SERPINB8: variants seen among roughly 807,000 people sequenced by gnomAD.
SERPINB8 encodes serpin B8.
SERPINB8 carries 25 observed loss-of-function variants against 35.3 expected under a neutral mutation model. The observed-to-expected ratio is 0.71, with a 90% CI of 0.52 to 0.99. SERPINB8 has a LOEUF of 0.99. Among genes scored for constraint, SERPINB8 ranks in the 50% least tolerant of loss-of-function variants. The probability of loss-of-function intolerance (pLI) is 0.00; values close to 1 mark genes in which losing one functional copy is unlikely to be tolerated. For missense variants in SERPINB8, 484 were observed against 446.5 expected (o/e 1.08, Z -0.76); for synonymous variants, 186 against 160.8 (o/e 1.16, Z -1.19).
At chr18:64,002,823 G>T (rs572766709) in intron 1 of SERPINB8, among the ~76,000 whole-genome samples, 2 of 152,254 alleles carry the variant, frequency 1.3e-5, no homozygotes, top group African/African-American at 4.8e-5. Context: ...GCCGACTCGT[G>T]CCCCACCGCC....
intron 5 of SERPINB8, among the ~76,000 whole-genome samples, chr18:63,984,198 A>G (rs967437133): frequency 6.6e-6 from 1 of 152,230 alleles, no homozygotes; most frequent in African/African-American, 2.4e-5. Context: ...GGCGGAAGGA[A>G]GAGAGAAACA....
chr18:63,991,808 G>T (rs2050826326), downstream of SERPINB8, among the ~76,000 whole-genome samples: 1 of 152,154 alleles, frequency 6.6e-6, no homozygotes, highest in African/African-American at 2.4e-5. Flanking sequence ...GCTTTTCATA[G>T]GTGCCCTTTA....
At chr18:63,999,176 C>G (rs890327035) in intron 1 of SERPINB8, among the ~76,000 whole-genome samples, 1 of 152,158 alleles carries the variant, frequency 6.6e-6, no homozygotes, top group Admixed American at 6.5e-5. Context: ...TCTGGCCTTA[C>G]AAAATTCATT....
chr18:63,989,891 C>G (rs1209970846), downstream of SERPINB8, among the ~76,000 whole-genome samples: 3 of 122,704 alleles, frequency 2.4e-5, no homozygotes, highest in Admixed American at 2.1e-4. Context: ...TGCAGTGAGC[C>G]GAGATCCCGC....
At position 63,970,145 on chromosome 18, in the gene SERPINB8, G is replaced by GGCGGCGGCGGCA. The variant is rs1555711108; in HGVS notation, c.-31_-30insGGCGGCAGCGGC. On this transcript the variant is annotated 5_prime_UTR_variant, in exon 1 of 7. Coordinates refer to ENST00000397985, the MANE Select transcript of SERPINB8 (RefSeq NM_002640.4). ...TCAAAGCAGCAGCGGCGGCGGCGGCGGCGGCAGCAGCAGCAGCAGCAGGAG... is the reference window on the plus strand; with the variant it reads ...TCAAAGCAGCAGCGGCGGCGGCGGCGGCGGCGGCGGCAGCGGCAGCAGCAGCAGCAGCAGGAG... 4.9e-5 allele frequency: 18 copies of GGCGGCGGCGGCA among 368,498 alleles called. 5 individuals are homozygous for GGCGGCGGCGGCA. Among genetic ancestry groups the GGCGGCGGCGGCA allele is most frequent in the Admixed American group, 1.6e-4 (5 of 30,982 alleles). 22.8% of individuals were successfully genotyped at this position (368,498 alleles called of 1,614,324 possible).
chr18:63,976,908 AT>A (rs745947504), intron 1 of SERPINB8, among the ~76,000 whole-genome samples: 4,307 of 144,088 alleles, frequency 0.03, 160 homozygotes, highest in African/African-American at 0.088. Context: ...TTAAAAAGTA[AT>A]TTTTTTTTTT....
chr18:63,975,112 TAC>T (rs60613919), intron 1 of SERPINB8, among the ~76,000 whole-genome samples: 8,758 of 147,014 alleles, frequency 0.06, 751 homozygotes, highest in African/African-American at 0.2. Flanking sequence ...TAAACACACC[TAC>T]ACACACACAC....
rs1568275935 is a variant in SERPINB8 at position 63,985,093 on chromosome 18, G to GA, written c.575dup (p.Thr193AspfsTer7). 5.6e-6 allele frequency: 9 copies of GA among 1,612,592 alleles called. No individual in the cohort carries two copies. In the South Asian group the frequency reaches 8.8e-5, roughly 16 times the overall value. On this transcript the variant is annotated frameshift_variant and splice_region_variant, in exon 6 of 7. Transcript: ENST00000397985. LOFTEE classifies it high-confidence loss of function. ...AATCGAACTTTAATTTTTCCGTTAG[G>GA]AAAAAAAGACAGTGCAGATGATGTT...
intron 6 of SERPINB8, among the ~76,000 whole-genome samples, chr18:63,985,999 A>G (rs1023195185): frequency 1.3e-5 from 2 of 152,180 alleles, no homozygotes; most frequent in Admixed American, 6.5e-5. Context: ...GCTCTGGCAC[A>G]CCAATGCACA....
At chr18:64,019,415 G>C (rs78979816) in exon 8 of SERPINB8, 1 of 152,382 alleles carries the variant, frequency 6.6e-6, no homozygotes, top group African/African-American at 2.4e-5. Context: ...CTGGAAAAAG[G>C]CTGTTACTTC....
intron 7 of SERPINB8, among the ~76,000 whole-genome samples, chr18:64,018,242 G>T (rs78413914): frequency 0.015 from 2,207 of 151,936 alleles, 57 homozygotes; most frequent in African/African-American, 0.051. Flanking sequence ...TCAACTTTAG[G>T]TTTATTTCAG....
chr18:63,993,788 T>C (rs2050835661), downstream of SERPINB8, among the ~76,000 whole-genome samples: 3 of 152,190 alleles, frequency 2.0e-5, no homozygotes, highest in Non-Finnish European at 4.4e-5. Context: ...CTCACAGATT[T>C]GGTGCACAGC....
intron 1 of SERPINB8, among the ~76,000 whole-genome samples, chr18:63,972,956 T>G (rs2050515076): frequency 6.6e-6 from 1 of 152,240 alleles, no homozygotes; most frequent in Non-Finnish European, 1.5e-5. Flanking sequence ...AACATACATG[T>G]GCATGTGTCT....
chr18:63,979,683 C>G, intron 2 of SERPINB8, 118 bp from the exon 3 acceptor site: 1 of 1,294,890 alleles, frequency 7.7e-7, no homozygotes, highest in Non-Finnish European at 1.1e-6. Context: ...ACAATTAGGC[C>G]AAACCTTTTT....
At chr18:63,996,097 G>C (rs1048534913) in intron 1 of SERPINB8, among the ~76,000 whole-genome samples, 16 of 152,108 alleles carry the variant, frequency 1.1e-4, no homozygotes, top group African/African-American at 3.9e-4. Flanking sequence ...ACTGATGGTT[G>C]GCTTCCTGAG....
At chr18:63,973,748 G>A (rs11874530) in intron 1 of SERPINB8, among the ~76,000 whole-genome samples, 34,706 of 151,992 alleles carry the variant, frequency 0.23, 4,303 homozygotes, top group African/African-American at 0.33. Context: ...TAGGGAATCC[G>A]TTCTCCATTT....
At chr18:63,971,061 T>C (rs1462584524) in intron 1 of SERPINB8, among the ~76,000 whole-genome samples, 1 of 152,140 alleles carries the variant, frequency 6.6e-6, no homozygotes, top group Non-Finnish European at 1.5e-5. Context: ...CCTCGGGCTC[T>C]GCGTAGACCG....
At chr18:64,018,634 A>G (rs1242776972) in intron 7 of SERPINB8, among the ~76,000 whole-genome samples, 1 of 152,240 alleles carries the variant, frequency 6.6e-6, no homozygotes, top group African/African-American at 2.4e-5. Flanking sequence ...TTTTGCAGAT[A>G]AATTTTAACG....
At position 63,988,972 on chromosome 18, in the gene SERPINB8, A is replaced by G. The variant is rs2144829577; in HGVS notation, c.*1694A>G. 6.6e-6 allele frequency: 1 copy of G among 152,340 alleles called. No individual in the cohort carries two copies. The highest frequency in any genetic ancestry group is 2.4e-5 in the African/African-American group (1 of 41,580). 9.4% of individuals were successfully genotyped at this position (152,340 alleles called of 1,614,324 possible). On this transcript the variant is annotated 3_prime_UTR_variant, in exon 7 of 7. Transcript: ENST00000397985. Reference sequence around the variant, plus strand: ...ACCATCGCTATATTCAAGATAATGAACCTATCTATCATACTCCCAAATTCC... The same window carrying G: ...ACCATCGCTATATTCAAGATAATGAGCCTATCTATCATACTCCCAAATTCC...
Sources: allele counts gnomAD v4.1 joint callset (sites outside exome capture counted in the v4.1 genomes callset), GRCh38; gene constraint gnomAD v4.1.1; transcripts MANE v1.5; gene names NCBI Gene and HGNC (gene_info 2026-07-23, HGNC 2026-07-21).